Variants in ONECUT2 observed in about 807,000 individuals in gnomAD.
ONECUT2 encodes one cut domain family member 2.
Under a neutral mutation model 27.9 loss-of-function variants are expected in ONECUT2, and 10 were observed. The ratio of observed to expected loss-of-function variants is 0.36; its 90% CI spans 0.22 to 0.61. The LOEUF is 0.61. Ranked by LOEUF, ONECUT2 falls within the 20% of genes least tolerant of loss-of-function variation. The probability of loss-of-function intolerance (pLI) is 0.73; values close to 1 mark genes in which losing one functional copy is unlikely to be tolerated. For synonymous variants in ONECUT2, 334 were observed against 315.1 expected, an observed-to-expected ratio of 1.06 and a Z score of -0.64; for missense variants, 686 against 721.0, an observed-to-expected ratio of 0.95 and a Z score of 0.56.
intron 1 of ONECUT2, among the ~76,000 whole-genome samples, chr18:57,440,221 T>C (rs1444495220): frequency 1.3e-5 from 2 of 152,330 alleles, no homozygotes; most frequent in African/African-American, 2.4e-5. Flanking sequence ...TTCAGCAACC[T>C]GACAAGAGGC....
intron 1 of ONECUT2, among the ~76,000 whole-genome samples, chr18:57,455,037 G>A (rs556276334): frequency 2.7e-4 from 41 of 152,230 alleles, no homozygotes; most frequent in African/African-American, 9.6e-4. Flanking sequence ...AGGTTTGGGG[G>A]GCCTTATCAG....
rs79500864 is a variant in ONECUT2, at chr18:57,455,678, G to A, written c.1228+18734G>A. ...GAGCATCTCGGGAAGCTCTGATGGG[G>A]TCTGGTTACAGCTGCACCCTTGTCC... On this transcript the variant is annotated intron_variant, in intron 1 of 1. Transcript: ENST00000491143. Among the ~76,000 whole-genome samples, 266 of 152,268 alleles carry A rather than the reference G, an allele frequency of 1.7e-3. 1 individual carries two copies. The highest frequency in any genetic ancestry group is 6.2e-3 in the African/African-American group (257 of 41,544).
In ONECUT2 at chr18:57,448,368, T is replaced by G. The variant is rs565240313; in HGVS notation, c.1228+11424T>G. ...TATCTTCAAGTTCCAGGTGGCCCTT[T>G]GTGTAAAAGGAGGGAAAATCCATCC... On this transcript the variant is annotated intron_variant, in intron 1 of 1. Transcript: ENST00000491143. Among the ~76,000 whole-genome samples the G allele has an allele frequency of 3.9e-5, 6 of 152,304 alleles. No homozygotes were observed. In the East Asian group the frequency reaches 1.2e-3, roughly 29 times the overall value.
Position 57,476,521 on chromosome 18 carries a change from G to A in ONECUT2, c.1313G>A (p.Arg438His), listed in dbSNP as rs1166372547. Residue 438 changes from arginine to histidine, a missense_variant, in exon 2 of 2, where the codon CGC becomes CAC. Arg to His is a conservative substitution (Grantham distance 29). This residue lies in a region of ONECUT2 where 77 missense variants were observed against 105.5 expected (regional missense o/e 0.73). Coordinates refer to ENST00000491143, the MANE Select transcript of ONECUT2 (RefSeq NM_004852.3). ...CGCCTGGTGTTCACTGACCTCCAAC[G>A]CCGAACACTCTTCGCCATCTTCAAG... ...KSRLVFTDLQ[R>H]RTLFAIFKEN... 1.5e-5 allele frequency: 24 copies of A among 1,614,124 alleles called. No homozygotes were observed. The highest frequency in any genetic ancestry group is 1.9e-5 in the Non-Finnish European group (23 of 1,180,004).
chr18:57,435,860 C>T lies in ONECUT2; in HGVS notation c.144C>T (p.Gly48=), dbSNP rs1039196306. ...GTGGCGGGGGCGGCGGCGGGGGCGG[C>T]GGGGGCGGCGGCGGGGGCCCGGGCC... ...GGSGGGGGGG[G]GGGGGGPGHE... is the part of the protein sequence containing the mutation. Residue 48 remains glycine, a synonymous_variant, in exon 1 of 2, where the codon GGC becomes GGT. Transcript: ENST00000491143. 3 of 500,240 alleles carry T rather than the reference C, an allele frequency of 6.0e-6. No individual in the cohort carries two copies. Among genetic ancestry groups the T allele is most frequent in the South Asian group, 8.6e-5 (1 of 11,604 alleles). 31.0% of individuals were successfully genotyped at this position (500,240 alleles called of 1,614,324 possible).
chr18:57,436,737 C>A lies in ONECUT2; in HGVS notation c.1021C>A (p.Arg341Ser), dbSNP rs1456647891. 2.5e-6 allele frequency: 4 copies of A among 1,613,950 alleles called. No individual in the cohort carries two copies. Among genetic ancestry groups the A allele is most frequent in the Non-Finnish European group, 3.4e-6 (4 of 1,180,038 alleles). Reference protein sequence around the residue: ...EEINTKEVAQRITAELKRYSI... With the variant: ...EEINTKEVAQSITAELKRYSI... ...AATCAACACCAAAGAGGTGGCCCAG[C>A]GCATCACAGCGGAGCTGAAGCGCTA... The change falls in exon 1 of 2, where the codon CGC becomes AGC. Residue 341 changes from arginine (R) to serine (S), a missense_variant. This residue lies in a region of ONECUT2 where 47 missense variants were observed against 86.0 expected (regional missense o/e 0.55). Coordinates refer to ENST00000491143, the MANE Select transcript of ONECUT2 (RefSeq NM_004852.3). This position sits in a 1 kb window ranked among gnomAD's most constrained non-coding sequence, Gnocchi z 5.9.
At position 57,490,883 on chromosome 18, in the gene ONECUT2, G is replaced by A. The variant is rs1366496703; in HGVS notation, c.*14160G>A. The A allele has an allele frequency of 6.6e-6, 1 of 152,536 alleles. No individual in the cohort carries two copies. Among genetic ancestry groups the A allele is most frequent in the African/African-American group, 2.4e-5 (1 of 41,434 alleles). 9.4% of individuals were successfully genotyped at this position (152,536 alleles called of 1,614,324 possible). ...TAAAATTTGCACTCTCTTCCGTTTT[G>A]AAAAAGAAAACCCACACACAAATGC... On this transcript the variant is annotated 3_prime_UTR_variant, in exon 2 of 2. Transcript: ENST00000491143.
intron 1 of ONECUT2, among the ~76,000 whole-genome samples, chr18:57,454,971 A>G (rs1053007814): frequency 3.3e-5 from 5 of 152,250 alleles, no homozygotes; most frequent in Non-Finnish European, 4.4e-5. Context: ...AAGTTCACAT[A>G]TAAAAATGGC....
chr18:57,469,678 C>A (rs1204805356), intron 1 of ONECUT2, among the ~76,000 whole-genome samples: 3 of 152,234 alleles, frequency 2.0e-5, no homozygotes, highest in African/African-American at 7.2e-5. Flanking sequence ...GCCCTCTGGG[C>A]AGTTCATCTA....
At chr18:57,452,099 G>A (rs1188341583) in intron 1 of ONECUT2, among the ~76,000 whole-genome samples, 1 of 152,146 alleles carries the variant, frequency 6.6e-6, no homozygotes, top group East Asian at 1.9e-4. Flanking sequence ...GCTAATTTTG[G>A]CAACACAGAA....
At position 57,480,530 on chromosome 18, in the gene ONECUT2, G is replaced by C. The variant is rs1303891993; in HGVS notation, c.*3807G>C. 6.6e-6 allele frequency: 1 copy of C among 151,138 alleles called. No homozygotes were observed. Among genetic ancestry groups the C allele is most frequent in the African/African-American group, 2.4e-5 (1 of 41,044 alleles). 9.4% of individuals were successfully genotyped at this position (151,138 alleles called of 1,614,324 possible). A position where few individuals can be genotyped will look rare whatever the true frequency, so the allele number is the denominator to read the frequency against. Reference sequence around the variant, plus strand: ...CTTTGTGACCTGACATTACAACATTGGTCAAACCAGTCCTCTGATAATCAG... The same window carrying C: ...CTTTGTGACCTGACATTACAACATTCGTCAAACCAGTCCTCTGATAATCAG... On this transcript the variant is annotated 3_prime_UTR_variant, in exon 2 of 2. Transcript: ENST00000491143.
chr18:57,472,635 G>A (rs1598943477), intron 1 of ONECUT2, among the ~76,000 whole-genome samples: 1 of 152,038 alleles, frequency 6.6e-6, no homozygotes, highest in African/African-American at 2.4e-5. Context: ...AGGATGTATT[G>A]ATCTGTTCTC....
chr18:57,444,091 T>G lies in ONECUT2; in HGVS notation c.1228+7147T>G, dbSNP rs1287159425. Among the ~76,000 whole-genome samples the G allele has an allele frequency of 2.6e-5, 4 of 152,252 alleles. No individual in the cohort carries two copies. The East Asian group carries it at 7.7e-4, about 29-fold the overall frequency. On this transcript the variant is annotated intron_variant, in intron 1 of 1. Coordinates refer to ENST00000491143, the MANE Select transcript of ONECUT2 (RefSeq NM_004852.3). ...ACATTTTTAAAGGGAAAGGTAAAAT[T>G]AAGGGGAAAAGAACCCGCAGTGTTA...
Position 57,487,763 on chromosome 18 carries a change from G to C in ONECUT2, c.*11040G>C, listed in dbSNP as rs1425375231. On this transcript the variant is annotated 3_prime_UTR_variant, in exon 2 of 2. Transcript: ENST00000491143. The stretch of plus-strand genomic sequence containing the variant: ...TACCATCTAAAAGGTAATATAAGAA[G>C]AAGTTTTGAAACCCACTTTAGGAAA... 6.6e-6 allele frequency: 1 copy of C among 152,150 alleles called. No individual in the cohort carries two copies. The highest frequency in any genetic ancestry group is 6.5e-5 in the Admixed American group (1 of 15,270). 9.4% of individuals were successfully genotyped at this position (152,150 alleles called of 1,614,324 possible).
At chr18:57,441,920 T>C (rs1481639987) in intron 1 of ONECUT2, among the ~76,000 whole-genome samples, 2 of 152,222 alleles carry the variant, frequency 1.3e-5, no homozygotes, top group Non-Finnish European at 2.9e-5. Flanking sequence ...TGTCCTACCT[T>C]GGCTGGGACA....
In ONECUT2 at chr18:57,478,013, C is replaced by G. The variant is rs2050394294; in HGVS notation, c.*1290C>G. On this transcript the variant is annotated 3_prime_UTR_variant, in exon 2 of 2. Transcript: ENST00000491143. ...CACAGCACACCAAAGAAGCAGAATA[C>G]TGCAAACCAAAGACATTTATGACTT... 2.0e-5 allele frequency: 3 copies of G among 152,656 alleles called. No homozygotes were observed. The highest frequency in any genetic ancestry group is 7.2e-5 in the African/African-American group (3 of 41,458). 9.5% of individuals were successfully genotyped at this position (152,656 alleles called of 1,614,324 possible).
chr18:57,455,032 TG>T (rs2050251190), intron 1 of ONECUT2, among the ~76,000 whole-genome samples: 2 of 152,308 alleles, frequency 1.3e-5, no homozygotes, highest in South Asian at 4.2e-4. Context: ...ATCACAGGTT[TG>T]GGGGGCCTTA....
rs890662630 is a variant in ONECUT2 at position 57,490,120 on chromosome 18, G to A, written c.*13397G>A. 1.3e-5 allele frequency: 2 copies of A among 152,152 alleles called. No homozygotes were observed. Among genetic ancestry groups the A allele is most frequent in the Admixed American group, 1.3e-4 (2 of 15,262 alleles). The allele number at this position is 152,152 out of a possible 1,614,324, so 9.4% of individuals were successfully genotyped here. ...TGTTCTCCTGGACCAGAGGGAAAGAGCTGGTCCATTTTTTTTCATTCTTTC... is the reference window on the plus strand; with the variant it reads ...TGTTCTCCTGGACCAGAGGGAAAGAACTGGTCCATTTTTTTTCATTCTTTC... On this transcript the variant is annotated 3_prime_UTR_variant, in exon 2 of 2. Coordinates refer to ENST00000491143, the MANE Select transcript of ONECUT2 (RefSeq NM_004852.3).
intron 1 of ONECUT2, among the ~76,000 whole-genome samples, chr18:57,454,540 T>C (rs1401132146): frequency 6.6e-6 from 1 of 152,168 alleles, no homozygotes; most frequent in African/African-American, 2.4e-5. Flanking sequence ...CGTTATCTAG[T>C]TGGTGTACAG....
Sources: allele counts gnomAD v4.1 joint callset (sites outside exome capture counted in the v4.1 genomes callset), GRCh38; gene constraint gnomAD v4.1.1; regional missense constraint gnomAD v4.1.1; non-coding constraint Gnocchi (gnomAD v3.1); transcripts MANE v1.5; gene names NCBI Gene and HGNC (gene_info 2026-07-23, HGNC 2026-07-21).